Variants in MAPKAP1 observed in about 807,000 individuals in gnomAD.
The protein encoded by MAPKAP1 is target of rapamycin complex 2 subunit MAPKAP1.
In MAPKAP1, 20 loss-of-function variants were observed where a neutral mutation model predicts 65.7. The ratio of observed to expected loss-of-function variants is 0.30; its 90% CI spans 0.21 to 0.44. The LOEUF (loss-of-function observed/expected upper bound fraction) is 0.44. MAPKAP1 is among the 20% of genes least tolerant of loss of function. The pLI, the probability that MAPKAP1 is intolerant of heterozygous loss-of-function variation, is 1.00. For synonymous variants in MAPKAP1, 222 were observed against 244.3 expected, an observed-to-expected ratio of 0.91 and a Z score of 0.85; for missense variants, 423 against 648.0, an observed-to-expected ratio of 0.65 and a Z score of 3.77.
Position 125,564,369 on chromosome 9 carries a change from C to T in MAPKAP1, c.672-4560G>A, listed in dbSNP as rs192700575. Among the ~76,000 whole-genome samples the T allele has an allele frequency of 2.5e-4, 38 of 152,274 alleles. No homozygotes were observed. The East Asian group carries it at 7.1e-3, about 29-fold the overall frequency. On this transcript the variant is annotated intron_variant, in intron 5 of 11. Coordinates refer to ENST00000265960, the MANE Select transcript of MAPKAP1 (RefSeq NM_001006617.3). ...TTTACACATACATTTAAGTCACGAG[C>T]CCTCTTTTCCTTCTAATTTTATACA... is the stretch of plus-strand genomic sequence containing the variant.
intron 9 of MAPKAP1, among the ~76,000 whole-genome samples, chr9:125,474,826 A>G (rs1206669649): frequency 6.6e-6 from 1 of 152,208 alleles, no homozygotes; most frequent in African/African-American, 2.4e-5. Context: ...CTAAGGCTAC[A>G]AAAGTCCCAC....
intron 10 of MAPKAP1, among the ~76,000 whole-genome samples, chr9:125,452,038 G>GACCTTGGGTGATCTGCCC (rs1852974801): frequency 6.6e-6 from 1 of 151,942 alleles, no homozygotes; most frequent in South Asian, 2.1e-4. Context: ...TTGAACTCCT[G>GACCTTGGGTGATCTGCCC]ACCTTGGGTG....
chr9:125,602,921 G>T (rs775930451), intron 4 of MAPKAP1, among the ~76,000 whole-genome samples: 1 of 152,094 alleles, frequency 6.6e-6, no homozygotes, highest in Non-Finnish European at 1.5e-5. Flanking sequence ...AAAAGATGGG[G>T]TCTCACTCTT....
rs542443163 is a variant in MAPKAP1 at position 125,449,207 on chromosome 9, C to T, written c.1346-4609G>A. On this transcript the variant is annotated intron_variant, in intron 10 of 11. Coordinates refer to ENST00000265960, the MANE Select transcript of MAPKAP1 (RefSeq NM_001006617.3). ...AGTTAGAATTAGGATGAAATCCTAG[C>T]TCTGCCATGTTTCAGCTGTGGGACC... is the stretch of plus-strand genomic sequence containing the variant. 4.6e-5 allele frequency among the ~76,000 whole-genome samples: 7 copies of T among 152,220 alleles called. No individual in the cohort carries two copies. The South Asian group carries it at 1.5e-3, about 32-fold the overall frequency.
At chr9:125,676,217 A>T (rs1834639096) in intron 1 of MAPKAP1, among the ~76,000 whole-genome samples, 1 of 152,198 alleles carries the variant, frequency 6.6e-6, no homozygotes, top group Non-Finnish European at 1.5e-5. Context: ...AAAATATAAA[A>T]CATGAATACT....
intron 7 of MAPKAP1, among the ~76,000 whole-genome samples, chr9:125,523,262 C>T (rs1390082309): frequency 6.6e-6 from 1 of 152,190 alleles, no homozygotes; most frequent in East Asian, 1.9e-4. Context: ...AAAATCCTGC[C>T]CTGCCCTCTG....
rs368769576 is a variant in MAPKAP1, at chr9:125,576,962, G to A, written c.671+8593C>T. 2.6e-4 allele frequency among the ~76,000 whole-genome samples: 39 copies of A among 151,840 alleles called. No individual in the cohort carries two copies. In the East Asian group the frequency reaches 6.8e-3, roughly 26 times the overall value. On this transcript the variant is annotated intron_variant, in intron 5 of 11. Coordinates refer to ENST00000265960, the MANE Select transcript of MAPKAP1 (RefSeq NM_001006617.3). ...CCACCCCGTCTGGGAAGTGAGGAGC[G>A]TCTCTGCCTGGCCGCCCATCGTCTG...
chr9:125,556,216 A>AT (rs1487518483), intron 6 of MAPKAP1, among the ~76,000 whole-genome samples: 1 of 152,250 alleles, frequency 6.6e-6, no homozygotes, highest in Non-Finnish European at 1.5e-5. Context: ...GAAAAGTTAA[A>AT]TATTCATCCA....
intron 8 of MAPKAP1, among the ~76,000 whole-genome samples, chr9:125,496,765 C>A (rs2133063760): frequency 6.6e-6 from 1 of 152,258 alleles, no homozygotes; most frequent in African/African-American, 2.4e-5. Flanking sequence ...TGGTGGTAGT[C>A]CAACAAAGAA....
rs576512008 is a variant in MAPKAP1, at chr9:125,672,383, A to G, written c.192T>C (p.Tyr64=). The G allele has an allele frequency of 6.2e-7, 1 of 1,614,046 alleles. No individual in the cohort carries two copies. The highest frequency in any genetic ancestry group is 1.3e-5 in the African/African-American group (1 of 75,070). The change falls in exon 2 of 12, where the codon TAT becomes TAC. Residue 64 remains tyrosine (Y), a synonymous_variant. Coordinates refer to ENST00000265960, the MANE Select transcript of MAPKAP1 (RefSeq NM_001006617.3). ...TAATATCGACTGACTGGGCATATAC[A>G]TAGCCCTGAGTCTCACCATTGCTTC... ...IQGSNGETQG[Y]VYAQSVDITS...
intron 7 of MAPKAP1, among the ~76,000 whole-genome samples, chr9:125,525,243 C>T (rs950874145): frequency 6.6e-6 from 1 of 152,216 alleles, no homozygotes; most frequent in Non-Finnish European, 1.5e-5. Context: ...CAAAGACTTA[C>T]TGGGTCCTTG....
Position 125,577,424 on chromosome 9 carries a change from C to T in MAPKAP1, c.671+8131G>A, listed in dbSNP as rs1158783308. ...CCCCCGCCTGGCCAGCCTCCCCGTC[C>T]GGGAGGGAGGTGGGGGGATCAGCCC... is the stretch of plus-strand genomic sequence containing the variant. On this transcript the variant is annotated intron_variant, in intron 5 of 11. Coordinates refer to ENST00000265960, the MANE Select transcript of MAPKAP1 (RefSeq NM_001006617.3). 2.0e-4 allele frequency among the ~76,000 whole-genome samples: 30 copies of T among 147,216 alleles called. 1 individual carries two copies. The highest frequency in any genetic ancestry group is 2.0e-3 in the South Asian group (9 of 4,602).
rs1829221530 is a variant in MAPKAP1, at chr9:125,508,913, A to T, written c.959-2496T>A. On this transcript the variant is annotated intron_variant, in intron 7 of 11. Transcript: ENST00000265960. ...GGACTGATTAAATAAAATATTATGA[A>T]ATACCATAAAAATATTAAATGTGAT... 2.0e-5 allele frequency among the ~76,000 whole-genome samples: 3 copies of T among 152,334 alleles called. No homozygotes were observed. In the South Asian group the frequency reaches 6.2e-4, roughly 32 times the overall value.
intron 4 of MAPKAP1, among the ~76,000 whole-genome samples, chr9:125,624,376 A>G (rs1833021657): frequency 1.6e-5 from 1 of 60,790 alleles, no homozygotes; most frequent in African/African-American, 5.3e-5. Context: ...CCCATCCGGG[A>G]GGGAGGTGGG....
At chr9:125,518,371 T>C (rs148602696) in intron 7 of MAPKAP1, among the ~76,000 whole-genome samples, 90 of 148,878 alleles carry the variant, frequency 6.0e-4, no homozygotes, top group Middle Eastern at 3.4e-3. Flanking sequence ...TGTAATCCCA[T>C]ATTACATCTG....
chr9:125,655,545 T>C (rs1422367893), intron 4 of MAPKAP1, among the ~76,000 whole-genome samples: 2 of 152,170 alleles, frequency 1.3e-5, no homozygotes, highest in South Asian at 2.1e-4. Context: ...CTATTAATCA[T>C]TGAGATGTCA....
rs189153527 is a variant in MAPKAP1, at chr9:125,618,256, C to T, written c.499-32529G>A. ...ACTAGAGAGGCTGAGGCAGGACAAT[C>T]GCTTGAACCTGGAAGGGTGAGGTTG... On this transcript the variant is annotated intron_variant, in intron 4 of 11. Coordinates refer to ENST00000265960, the MANE Select transcript of MAPKAP1 (RefSeq NM_001006617.3). 8.7e-3 allele frequency among the ~76,000 whole-genome samples: 1,208 copies of T among 138,352 alleles called. 8 individuals are homozygous for T. The highest frequency in any genetic ancestry group is 0.014 in the Non-Finnish European group (910 of 65,678). The allele number at this position is 138,352 out of a possible 152,430, so 90.8% of individuals were successfully genotyped here.
rs907978137 is a variant in MAPKAP1, at chr9:125,557,071, C to T, written c.848+2562G>A. 4.6e-5 allele frequency among the ~76,000 whole-genome samples: 7 copies of T among 152,256 alleles called. No individual in the cohort carries two copies. In the East Asian group the frequency reaches 1.4e-3, roughly 29 times the overall value. On this transcript the variant is annotated intron_variant, in intron 6 of 11. Transcript: ENST00000265960. ...ATGTGTGTGTCTGGGAGTGGGAACA[C>T]AGGGATGGGAGTAATTCAGGATCAA... is the stretch of plus-strand genomic sequence containing the variant.
intron 10 of MAPKAP1, among the ~76,000 whole-genome samples, chr9:125,459,608 C>T (rs1853381985): frequency 6.6e-6 from 1 of 152,192 alleles, no homozygotes; most frequent in Non-Finnish European, 1.5e-5. Flanking sequence ...CGGTTAGGAG[C>T]TGGAGACCAG....
Sources: gnomAD v4.1 joint callset for allele counts (sites outside exome capture counted in the v4.1 genomes callset) on GRCh38, gnomAD v4.1.1 for gene constraint, MANE v1.5 for transcripts, NCBI Gene and HGNC (gene_info 2026-07-23, HGNC 2026-07-21) for gene names.